Variants in RHPN1 observed in about 807,000 individuals in gnomAD.
RHPN1 encodes rhophilin-1.
RHPN1 carries 77 observed loss-of-function variants against 74.7 expected under a neutral mutation model. The ratio of observed to expected loss-of-function variants is 1.03; its 90% CI spans 0.86 to 1.25. RHPN1 has a LOEUF of 1.25. Among genes scored for constraint, RHPN1 ranks in the 50% most tolerant of loss-of-function variants. The probability of loss-of-function intolerance (pLI) is 0.00; values close to 1 mark genes in which losing one functional copy is unlikely to be tolerated. For synonymous variants in RHPN1, 444 were observed against 414.5 expected (o/e 1.07, Z -0.87); for missense variants, 987 against 932.2 (o/e 1.06, Z -0.77).
Position 143,377,160 on chromosome 8 carries a change from G to A in RHPN1, c.306-220G>A, listed in dbSNP as rs574502720. Among the ~76,000 whole-genome samples, 44 of 152,206 alleles carry A rather than the reference G, an allele frequency of 2.9e-4. No individual in the cohort carries two copies. In the South Asian group the frequency reaches 3.7e-3, roughly 13 times the overall value. ...TGTGTTTGTGTGTGTGTGTGCGCGC[G>A]CATGTGTGTGTCTCTGTGTGTGTGT... is the stretch of plus-strand genomic sequence containing the variant. On this transcript the variant is annotated intron_variant, in intron 3 of 14. Transcript: ENST00000289013.
At chr8:143,380,406 C>A in intron 10 of RHPN1, 183 bp from the exon 11 acceptor site, 1 of 665,714 alleles carries the variant, frequency 1.5e-6, no homozygotes, top group Non-Finnish European at 2.5e-6. Context: ...CAGCTCATCC[C>A]TGGCCCCTGC....
At chr8:143,366,525 ACACACACGCACACACGCACATATGCACG>A (rs1330941842), upstream of RHPN1, 1 of 151,074 alleles carries the variant, frequency 6.6e-6, no homozygotes, top group African/African-American at 2.4e-5. Context: ...ACACACACAC[ACACACACGCACACACGCACATATGCACG>A]CACACACACG....
chr8:143,379,912 G>A lies in RHPN1; in HGVS notation c.1029G>A (p.Leu343=). The change falls in exon 9 of 15, where the codon CTG becomes CTA. Residue 343 remains leucine (L), a synonymous_variant. Coordinates refer to ENST00000289013, the MANE Select transcript of RHPN1 (RefSeq NM_052924.3). ...ACGTGCCTGTCTCCTGGACTGCCCTGGTGCATGTCAAGGCCGAGTACTTCC... is the reference window on the plus strand; with the variant it reads ...ACGTGCCTGTCTCCTGGACTGCCCTAGTGCATGTCAAGGCCGAGTACTTCC... ...HDYVPVSWTA[L]VHVKAEYFRS... 1 of 1,603,988 alleles carries A rather than the reference G, an allele frequency of 6.2e-7. No individual in the cohort carries two copies.
Position 143,378,481 on chromosome 8 carries a change from G to A in RHPN1, c.459+135G>A, listed in dbSNP as rs189719319. ...ACGTGGGGAGACGGGCGCACCAGGG[G>A]CCCTGTGTGTCCAGACCCAGCCAGG... is the stretch of plus-strand genomic sequence containing the variant. On this transcript the variant is annotated intron_variant, in intron 5 of 14. Coordinates refer to ENST00000289013, the MANE Select transcript of RHPN1 (RefSeq NM_052924.3). 1,514 of 989,324 alleles carry A rather than the reference G, an allele frequency of 1.5e-3. 35 individuals are homozygous for A. The East Asian group carries it at 0.032, about 21-fold the overall frequency. The allele number at this position is 989,324 out of a possible 1,614,324, so 61.3% of individuals were successfully genotyped here.
upstream of RHPN1, chr8:143,368,809 C>T (rs1817637161): frequency 2.8e-6 from 1 of 357,640 alleles, no homozygotes; most frequent in African/African-American, 2.1e-5. Flanking sequence ...ACGCCAGACC[C>T]GTGCCCCGCC....
Position 143,381,576 on chromosome 8 carries a change from C to T in RHPN1, c.1493C>T (p.Pro498Leu). Reference sequence around the variant, plus strand: ...TGACCTCTGAGCCCCTGCCAGGGGCCCCTGTCTGTGTTCTCAGCCAAGAAC... The same window carrying T: ...TGACCTCTGAGCCCCTGCCAGGGGCTCCTGTCTGTGTTCTCAGCCAAGAAC... ...KGPDIFHRLGPLSVFSAKNRW... is the reference protein window; with the variant it reads ...KGPDIFHRLGLLSVFSAKNRW... The change falls in exon 13 of 15, where the codon CCC becomes CTC. Residue 498 changes from proline to leucine, a missense_variant. Physicochemically the swap from Pro to Leu is moderately conservative, Grantham distance 98 (BLOSUM62 -3). Coordinates refer to ENST00000289013, the MANE Select transcript of RHPN1 (RefSeq NM_052924.3). 6.2e-7 allele frequency: 1 copy of T among 1,607,230 alleles called. No individual in the cohort carries two copies. Among genetic ancestry groups the T allele is most frequent in the Non-Finnish European group, 8.5e-7 (1 of 1,178,676 alleles).
In RHPN1 at chr8:143,381,925, T is replaced by TGCA; in HGVS notation, c.1756_1758dup (p.Gln586dup). 1 of 1,610,546 alleles carries TGCA rather than the reference T, an allele frequency of 6.2e-7. No homozygotes were observed. The highest frequency in any genetic ancestry group is 8.5e-7 in the Non-Finnish European group (1 of 1,179,050). On this transcript the variant is annotated inframe_insertion, in exon 14 of 15. Coordinates refer to ENST00000289013, the MANE Select transcript of RHPN1 (RefSeq NM_052924.3). ...GCTGCGGGAGAGGCGGGCGCCAGCC[T>TGCA]GCAGGTGGTGTCGCTGCTGCCCAGC... is the stretch of plus-strand genomic sequence containing the variant.
rs1488883397 is a variant in RHPN1 at position 143,376,607 on chromosome 8, G to T, written c.259G>T (p.Glu87Ter). 1 of 1,596,180 alleles carries T rather than the reference G, an allele frequency of 6.3e-7. No individual in the cohort carries two copies. Among genetic ancestry groups the T allele is most frequent in the South Asian group, 1.1e-5 (1 of 88,478 alleles). Residue 87 changes from glutamate to a stop codon, truncating the protein, a stop_gained, in exon 3 of 15, where the codon GAG becomes TAG. Coordinates refer to ENST00000289013, the MANE Select transcript of RHPN1 (RefSeq NM_052924.3). LOFTEE classifies it high-confidence loss of function. ...VNSNLQLLKEELEELSGGVDP... is the reference protein window; with the variant it reads ...VNSNLQLLKE ...CTCCAACCTGCAGCTGCTGAAGGAG[G>T]AGCTGGAGGAGCTCAGCGGTGGCGT...
upstream of RHPN1, chr8:143,366,569 GCACACA>G (rs1258203076): frequency 1.3e-5 from 2 of 149,404 alleles, no homozygotes; most frequent in East Asian, 2.0e-4. Flanking sequence ...ACACGCACAC[GCACACA>G]CGCACACGCA....
At chr8:143,376,880 A>ATG (rs36179453) in intron 3 of RHPN1, among the ~76,000 whole-genome samples, 142,925 of 148,398 alleles carry the variant, frequency 0.96, 68,839 homozygotes, top group South Asian at 0.99. Context: ...ATGTGTGTGC[A>ATG]TGTGTGTGCA....
chr8:143,377,140 T>G (rs1046877293), intron 3 of RHPN1, among the ~76,000 whole-genome samples: 3 of 150,184 alleles, frequency 2.0e-5, no homozygotes, highest in Admixed American at 6.6e-5. Flanking sequence ...ACGCATGTGT[T>G]TGTGTGTGTG....
chr8:143,379,619 G>C, intron 8 of RHPN1, 111 bp downstream of exon 8: 3 of 1,450,550 alleles, frequency 2.1e-6, no homozygotes, highest in Non-Finnish European at 2.7e-6. Flanking sequence ...TGTCAGCCCC[G>C]AGCCAGCTGT....
intron 1 of RHPN1, chr8:143,374,034 C>A (rs907248773): frequency 4.9e-5 from 38 of 771,268 alleles, no homozygotes; most frequent in Middle Eastern, 6.6e-4. Context: ...GACGAGCAGG[C>A]CTTCTGTCTA....
chr8:143,370,336 G>C lies in RHPN1; in HGVS notation c.60+1289G>C, dbSNP rs188350721. On this transcript the variant is annotated intron_variant, in intron 1 of 14. Coordinates refer to ENST00000289013, the MANE Select transcript of RHPN1 (RefSeq NM_052924.3). ...TCAGGGTACTGGGGAGGGGCCCGTGGGAGGTGGCAGTGGGGCGGAGGCAGG... is the reference window on the plus strand; with the variant it reads ...TCAGGGTACTGGGGAGGGGCCCGTGCGAGGTGGCAGTGGGGCGGAGGCAGG... 1.6e-4 allele frequency among the ~76,000 whole-genome samples: 24 copies of C among 152,334 alleles called. No homozygotes were observed. The East Asian group carries it at 4.6e-3, about 29-fold the overall frequency.
At chr8:143,377,281 G>A in intron 3 of RHPN1, 99 bp from the exon 4 acceptor site, 8 of 878,608 alleles carry the variant, frequency 9.1e-6, no homozygotes, top group Non-Finnish European at 1.5e-5. Flanking sequence ...CATGAGGGAG[G>A]GAGGCACCCT....
In RHPN1 at chr8:143,379,350, G is replaced by C; in HGVS notation, c.787G>C (p.Ala263Pro). Reference sequence around the variant, plus strand: ...CCTCCTGAGGGAGAACTTCTCCCATGCGCCGAGCCCAGACATGAGCGCTGC... The same window carrying C: ...CCTCCTGAGGGAGAACTTCTCCCATCCGCCGAGCCCAGACATGAGCGCTGC... Reference protein sequence around the residue: ...FSLLRENFSHAPSPDMSAASL... With the variant: ...FSLLRENFSHPPSPDMSAASL... Residue 263 changes from alanine (A) to proline (P), a missense_variant, in exon 8 of 15, where the codon GCG (alanine) becomes CCG (proline). By Grantham distance (27) the Ala-to-Pro change is conservative (BLOSUM62 -1). Coordinates refer to ENST00000289013, the MANE Select transcript of RHPN1 (RefSeq NM_052924.3). 5 of 1,602,450 alleles carry C rather than the reference G, an allele frequency of 3.1e-6. No homozygotes were observed. Among genetic ancestry groups the C allele is most frequent in the Non-Finnish European group, 4.3e-6 (5 of 1,173,942 alleles).
In RHPN1 at chr8:143,368,933, G is replaced by A; in HGVS notation, c.-55G>A. 1.4e-6 allele frequency: 2 copies of A among 1,383,376 alleles called. No individual in the cohort carries two copies. Among genetic ancestry groups the A allele is most frequent in the South Asian group, 1.4e-5 (1 of 70,144 alleles). 85.7% of individuals were successfully genotyped at this position (1,383,376 alleles called of 1,614,324 possible). On this transcript the variant is annotated 5_prime_UTR_variant, in exon 1 of 15. Transcript: ENST00000289013. Reference sequence around the variant, plus strand: ...GGCCCTAGCCCGGCTGCGGAGCGCTGCGCGAGCGGCGGGCTGGCTGACCCC... The same window carrying A: ...GGCCCTAGCCCGGCTGCGGAGCGCTACGCGAGCGGCGGGCTGGCTGACCCC...
Position 143,382,610 on chromosome 8 carries a change from C to T in RHPN1, c.1972C>T (p.Pro658Ser). 1 of 1,610,780 alleles carries T rather than the reference C, an allele frequency of 6.2e-7. No homozygotes were observed. Among genetic ancestry groups the T allele is most frequent in the Admixed American group, 1.7e-5 (1 of 59,998 alleles). The change falls in exon 15 of 15, where the codon CCA becomes TCA. Residue 658 changes from proline (P) to serine (S), a missense_variant. Physicochemically the swap from Pro to Ser is moderately conservative, Grantham distance 74 (BLOSUM62 -1). Coordinates refer to ENST00000289013, the MANE Select transcript of RHPN1 (RefSeq NM_052924.3). Reference sequence around the variant, plus strand: ...CCCCCAGCCCTGTGCCCCAGTGAAGCCAGCTCCGCCCTCATCCTTGAAGCA... The same window carrying T: ...CCCCCAGCCCTGTGCCCCAGTGAAGTCAGCTCCGCCCTCATCCTTGAAGCA... ...GCPQPCAPVK[P>S]APPSSLKHPG...
Position 143,380,480 on chromosome 8 carries a change from G to A in RHPN1, c.1217-109G>A, listed in dbSNP as rs1404565984. 1.6e-5 allele frequency: 17 copies of A among 1,093,220 alleles called. No individual in the cohort carries two copies. In the East Asian group the frequency reaches 1.9e-4, roughly 12 times the overall value. 67.7% of individuals were successfully genotyped at this position (1,093,220 alleles called of 1,614,324 possible). On this transcript the variant is annotated intron_variant, in intron 10 of 14. Transcript: ENST00000289013. ...CACCCCCGTGGCGCGCACCCCCAAC[G>A]AAAGTGGCTGTGATGAGCCCCACAG...
Sources: gnomAD v4.1 joint callset for allele counts (sites outside exome capture counted in the v4.1 genomes callset) on GRCh38, gnomAD v4.1.1 for gene constraint, MANE v1.5 for transcripts, NCBI Gene and HGNC (gene_info 2026-07-23, HGNC 2026-07-21) for gene names.